PPARGC1A: variants seen among roughly 807,000 people sequenced by gnomAD.
PPARGC1A encodes the protein peroxisome proliferator-activated receptor gamma coactivator 1-alpha.
A neutral mutation model predicts 88.7 loss-of-function variants in PPARGC1A; 25 were observed. That is an observed-to-expected ratio of 0.28 (90% confidence interval 0.21 to 0.39). The LOEUF is 0.39. PPARGC1A is among the 10% of genes least tolerant of loss of function. The probability of loss-of-function intolerance (pLI) is 1.00; values close to 1 mark genes in which losing one functional copy is unlikely to be tolerated. For missense variants in PPARGC1A, 880 were observed against 968.7 expected (o/e 0.91, Z 1.22); for synonymous variants, 363 against 355.6 (o/e 1.02, Z -0.24).
At chr4:24,311,786 C>G in the PPARGC1A span, among the ~76,000 whole-genome samples, 1 of 151,894 alleles carries the variant, frequency 6.6e-6, no homozygotes, top group Admixed American at 6.6e-5. Context: ...AAAAATTTAA[C>G]AGAGTCTCGG....
At chr4:24,213,455 C>T in the PPARGC1A span, among the ~76,000 whole-genome samples, 3,702 of 152,256 alleles carry the variant, frequency 0.024, 64 homozygotes, top group Non-Finnish European at 0.035. Context: ...AGTGAGCCAC[C>T]GCGCCCGGCC....
At chr4:24,435,565 T>C in the PPARGC1A span, among the ~76,000 whole-genome samples, 3 of 152,272 alleles carry the variant, frequency 2.0e-5, no homozygotes, top group South Asian at 6.2e-4. Flanking sequence ...AATGTCTACC[T>C]CCTCCACTAG....
chr4:23,803,520 A>AT (rs5856790), intron 10 of PPARGC1A, among the ~76,000 whole-genome samples: 150,802 of 152,258 alleles, frequency 0.99, 74,693 homozygotes, highest in East Asian at 1. Flanking sequence ...CAGGAATAAT[A>AT]TTTATAGCCT....
chr4:24,412,745 G>T, the PPARGC1A span, among the ~76,000 whole-genome samples: 2 of 152,214 alleles, frequency 1.3e-5, no homozygotes, highest in Non-Finnish European at 2.9e-5. Flanking sequence ...CTCCCAAAGC[G>T]TTGGGATTAC....
At chr4:24,285,388 TCA>T in the PPARGC1A span, among the ~76,000 whole-genome samples, 1 of 151,828 alleles carries the variant, frequency 6.6e-6, no homozygotes, top group Non-Finnish European at 1.5e-5. Context: ...ATGGATGTCC[TCA>T]GAAAGGAATG....
At chr4:23,797,081 C>CTTTATTTATG (rs1717742185) in intron 12 of PPARGC1A, among the ~76,000 whole-genome samples, 1 of 152,140 alleles carries the variant, frequency 6.6e-6, no homozygotes, top group Admixed American at 6.6e-5. Flanking sequence ...AAAGAAATGT[C>CTTTATTTATG]TTTATTTATG....
chr4:24,231,436 A>G, the PPARGC1A span, among the ~76,000 whole-genome samples: 2 of 152,178 alleles, frequency 1.3e-5, no homozygotes, highest in African/African-American at 4.8e-5. Context: ...AGTCCGGTCC[A>G]GTCTCTTTCC....
At chr4:24,130,456 G>A in the PPARGC1A span, among the ~76,000 whole-genome samples, 1 of 152,102 alleles carries the variant, frequency 6.6e-6, no homozygotes, top group Non-Finnish European at 1.5e-5. Context: ...CCCATGCATT[G>A]CCTCATCTGA....
upstream of PPARGC1A, among the ~76,000 whole-genome samples, chr4:23,890,696 C>T (rs1003334815): frequency 6.8e-6 from 1 of 147,888 alleles, no homozygotes; most frequent in Non-Finnish European, 1.5e-5. Context: ...CAGAATTCGG[C>T]TGCCCCCATG....
the PPARGC1A span, among the ~76,000 whole-genome samples, chr4:24,126,267 CCACA>C: frequency 4.6e-3 from 668 of 146,448 alleles, 8 homozygotes; most frequent in African/African-American, 8.7e-3. Flanking sequence ...TGGCTTCTCA[CCACA>C]CACACACACA....
At chr4:23,835,576 G>T (rs949533016) in intron 2 of PPARGC1A, among the ~76,000 whole-genome samples, 1 of 150,096 alleles carries the variant, frequency 6.7e-6, no homozygotes, top group African/African-American at 2.4e-5. Flanking sequence ...GATTATTTAC[G>T]GTCTGTATCC....
the PPARGC1A span, among the ~76,000 whole-genome samples, chr4:24,083,493 C>T: frequency 6.6e-6 from 1 of 152,190 alleles, no homozygotes; most frequent in Non-Finnish European, 1.5e-5. Flanking sequence ...TCACAAGCCT[C>T]CTTCTACTTA....
At chr4:24,258,184 A>G in the PPARGC1A span, 1 of 967,568 alleles carries the variant, frequency 1.0e-6, no homozygotes, top group Non-Finnish European at 1.2e-6. Context: ...ATAACATGAC[A>G]ATAATGTATT....
chr4:23,921,251 G>T, the PPARGC1A span, among the ~76,000 whole-genome samples: 1 of 152,164 alleles, frequency 6.6e-6, no homozygotes, highest in Non-Finnish European at 1.5e-5. Context: ...CTCAACTCTT[G>T]TCCTCGGATA....
At chr4:24,024,327 T>C in the PPARGC1A span, among the ~76,000 whole-genome samples, 2 of 152,164 alleles carry the variant, frequency 1.3e-5, no homozygotes, top group African/African-American at 2.4e-5. Context: ...ACACAGTGGG[T>C]GAATGATGAA....
chr4:24,035,782 A>G, the PPARGC1A span, among the ~76,000 whole-genome samples: 5 of 152,176 alleles, frequency 3.3e-5, no homozygotes, highest in African/African-American at 4.8e-5. Context: ...TATAGATGCA[A>G]TAGTTTAGGA....
At chr4:24,107,330 G>A in the PPARGC1A span, among the ~76,000 whole-genome samples, 1 of 152,228 alleles carries the variant, frequency 6.6e-6, no homozygotes, top group Admixed American at 6.5e-5. Flanking sequence ...GTTGTGAGTT[G>A]GGTACAATAG....
chr4:24,150,660 T>A, the PPARGC1A span, among the ~76,000 whole-genome samples: 1 of 152,076 alleles, frequency 6.6e-6, no homozygotes, highest in Non-Finnish European at 1.5e-5. Context: ...ACAATAGTAA[T>A]AGCGATCTTT....
At chr4:24,437,635 TGTTTTA>T in the PPARGC1A span, among the ~76,000 whole-genome samples, 11 of 144,812 alleles carry the variant, frequency 7.6e-5, no homozygotes, top group Non-Finnish European at 7.6e-5. Flanking sequence ...TTGTTGTTGT[TGTTTTA>T]GTTTTGGTTT....
Sources: gnomAD v4.1 joint callset for allele counts (sites outside exome capture counted in the v4.1 genomes callset) on GRCh38, gnomAD v4.1.1 for gene constraint, MANE v1.5 for transcripts, NCBI Gene and HGNC (gene_info 2026-07-23, HGNC 2026-07-21) for gene names.